Variants in ROBO1 observed in about 807,000 individuals in gnomAD.
The protein encoded by ROBO1 is roundabout guidance receptor 1.
Under a neutral mutation model 195.9 loss-of-function variants are expected in ROBO1, and 149 were observed. The observed-to-expected ratio is 0.76, with a 90% CI of 0.67 to 0.87. The LOEUF (loss-of-function observed/expected upper bound fraction) is 0.87, where lower values mean the gene tolerates loss of function less well. ROBO1 is among the 40% of genes least tolerant of loss of function. ROBO1 has a pLI of 0.00. For missense variants in ROBO1, 1,933 were observed against 2,068.3 expected (o/e 0.93, Z 1.27); for synonymous variants, 816 against 733.2 (o/e 1.11, Z -1.82).
At chr3:79,036,096 T>C (rs73122682) in intron 3 of ROBO1, among the ~76,000 whole-genome samples, 5,548 of 152,258 alleles carry the variant, frequency 0.036, 122 homozygotes, top group Admixed American at 0.048. Context: ...CAAATTAATC[T>C]AACTTAATGG....
chr3:79,385,685 G>T (rs2036717473), intron 2 of ROBO1, among the ~76,000 whole-genome samples: 1 of 152,088 alleles, frequency 6.6e-6, no homozygotes, highest in South Asian at 2.1e-4. Context: ...TAGTCTTCAT[G>T]AATCAGTTGC....
At chr3:78,813,528 T>G (rs1355983) in intron 4 of ROBO1, among the ~76,000 whole-genome samples, 40,179 of 151,998 alleles carry the variant, frequency 0.26, 5,482 homozygotes, top group Non-Finnish European at 0.28. Flanking sequence ...TATCCTTACT[T>G]CCAGTTAATC....
chr3:78,774,076 T>C (rs1576137147), intron 4 of ROBO1, among the ~76,000 whole-genome samples: 1 of 152,228 alleles, frequency 6.6e-6, no homozygotes, highest in East Asian at 1.9e-4. Flanking sequence ...GCCCAAAGAA[T>C]AGTTGATAGT....
intron 5 of ROBO1, among the ~76,000 whole-genome samples, chr3:78,740,797 T>C (rs1266453173): frequency 6.6e-6 from 1 of 152,114 alleles, no homozygotes; most frequent in Non-Finnish European, 1.5e-5. Context: ...CAATTGACTT[T>C]CATGACACAC....
intron 1 of ROBO1, among the ~76,000 whole-genome samples, chr3:79,595,653 C>T (rs1397304098): frequency 6.6e-6 from 1 of 151,840 alleles, no homozygotes; most frequent in African/African-American, 2.4e-5. Context: ...TGAGACATGT[C>T]TCAGCCTCCT....
chr3:79,019,571 C>G (rs917267704), intron 3 of ROBO1: 1 of 985,078 alleles, frequency 1.0e-6, no homozygotes, highest in Non-Finnish European at 1.2e-6. Flanking sequence ...ACTCTATTCT[C>G]CAGGCGCTGG....
intron 3 of ROBO1, among the ~76,000 whole-genome samples, chr3:79,058,667 G>T (rs974670298): frequency 6.6e-6 from 1 of 150,546 alleles, no homozygotes; most frequent in Non-Finnish European, 1.5e-5. Flanking sequence ...CAATCAAACT[G>T]TCCAATGCAT....
At chr3:78,955,433 A>T (rs1009244826) in intron 3 of ROBO1, among the ~76,000 whole-genome samples, 28 of 152,084 alleles carry the variant, frequency 1.8e-4, no homozygotes, top group Non-Finnish European at 3.8e-4. Context: ...CTCATTGTAA[A>T]ACCATGTTTT....
intron 2 of ROBO1, among the ~76,000 whole-genome samples, chr3:79,306,581 C>G (rs2033232483): frequency 6.6e-6 from 1 of 152,150 alleles, no homozygotes; most frequent in Non-Finnish European, 1.5e-5. Flanking sequence ...CAAAAGAAAC[C>G]CAAAGTGCTC....
At chr3:79,443,586 A>G (rs935787098) in intron 2 of ROBO1, among the ~76,000 whole-genome samples, 2 of 152,140 alleles carry the variant, frequency 1.3e-5, no homozygotes, top group Non-Finnish European at 2.9e-5. Flanking sequence ...TTTTTGTTAA[A>G]ACAACAAATA....
At chr3:79,215,251 C>T (rs1254828277) in intron 2 of ROBO1, among the ~76,000 whole-genome samples, 3 of 152,080 alleles carry the variant, frequency 2.0e-5, no homozygotes, top group Non-Finnish European at 4.4e-5. Flanking sequence ...TCATGTCTCT[C>T]ATTATGTGTA....
chr3:78,830,672 C>T (rs1417758063), intron 4 of ROBO1, among the ~76,000 whole-genome samples: 1 of 152,132 alleles, frequency 6.6e-6, no homozygotes, highest in Non-Finnish European at 1.5e-5. Flanking sequence ...AATGACCTTC[C>T]ACTGGCTCCC....
intron 21 of ROBO1, 112 bp downstream of exon 21, chr3:78,646,036 T>A: frequency 1.1e-6 from 1 of 942,634 alleles, no homozygotes; most frequent in Non-Finnish European, 1.7e-6. Context: ...AGGAACTAAA[T>A]AAATTCCACC....
intron 3 of ROBO1, among the ~76,000 whole-genome samples, chr3:79,037,260 A>G (rs1391236943): frequency 1.3e-5 from 2 of 152,190 alleles, no homozygotes; most frequent in Non-Finnish European, 2.9e-5. Flanking sequence ...TTAGAATACA[A>G]TGACACTCAT....
intron 4 of ROBO1, among the ~76,000 whole-genome samples, chr3:78,763,142 G>A (rs1246092511): frequency 1.3e-5 from 2 of 152,064 alleles, no homozygotes; most frequent in Non-Finnish European, 2.9e-5. Context: ...GATACAGCTC[G>A]AAGTAAAGAC....
At chr3:79,728,499 G>A (rs1703016793) in intron 1 of ROBO1, among the ~76,000 whole-genome samples, 1 of 152,072 alleles carries the variant, frequency 6.6e-6, no homozygotes, top group Non-Finnish European at 1.5e-5. Flanking sequence ...CTGACAATAA[G>A]TAGAAGTGTA....
At chr3:78,885,255 T>C (rs2036478174) in intron 4 of ROBO1, among the ~76,000 whole-genome samples, 2 of 151,612 alleles carry the variant, frequency 1.3e-5, no homozygotes, top group African/African-American at 4.8e-5. Context: ...GTGGGGTCTC[T>C]TGTGGGGTGG....
At chr3:79,171,566 C>T (rs6804803) in intron 2 of ROBO1, among the ~76,000 whole-genome samples, 13,410 of 151,984 alleles carry the variant, frequency 0.088, 1,014 homozygotes, top group African/African-American at 0.2. Flanking sequence ...GTAAACAGCA[C>T]ACACATACAT....
chr3:79,721,592 CAG>C (rs1471545038), intron 1 of ROBO1, among the ~76,000 whole-genome samples: 4 of 152,154 alleles, frequency 2.6e-5, no homozygotes, highest in Admixed American at 2.0e-4. Context: ...TTTACTAAAA[CAG>C]ACCTTTGAAA....
Sources: gnomAD v4.1 joint callset for allele counts (sites outside exome capture counted in the v4.1 genomes callset) on GRCh38, gnomAD v4.1.1 for gene constraint, MANE v1.5 for transcripts, NCBI Gene and HGNC (gene_info 2026-07-23, HGNC 2026-07-21) for gene names.